The following ZC3H12B variants were observed in gnomAD, a reference collection of about 807,000 sequenced individuals.
ZC3H12B encodes the protein zinc finger CCCH-type containing 12B, also known as probable ribonuclease ZC3H12B.
A neutral mutation model predicts 43.9 loss-of-function variants in ZC3H12B; 7 were observed. The ratio of observed to expected loss-of-function variants is 0.16; its 90% CI spans 0.09 to 0.30. The LOEUF is 0.30. ZC3H12B is among the 10% of genes least tolerant of loss of function. The probability of loss-of-function intolerance (pLI) is 1.00; values close to 1 mark genes in which losing one functional copy is unlikely to be tolerated. For synonymous variants in ZC3H12B, 222 were observed against 241.7 expected (o/e 0.92, Z 0.76); for missense variants, 475 against 670.2 (o/e 0.71, Z 3.22).
chrX:65,426,094 T>C (rs1042183787), intron 3 of ZC3H12B, among the ~76,000 whole-genome samples: 5 of 109,659 alleles, frequency 4.6e-5, no homozygotes, highest in Non-Finnish European at 9.5e-5. Context: ...TATCCTGTTT[T>C]TTTTTTTTCT....
At chrX:65,192,460 C>T in the ZC3H12B span, among the ~76,000 whole-genome samples, 37 of 111,157 alleles carry the variant, frequency 3.3e-4, no homozygotes, top group Non-Finnish European at 5.3e-4. Flanking sequence ...TGCAGTTTTT[C>T]CTCAGTATGA....
chrX:65,180,866 A>G, the ZC3H12B span, among the ~76,000 whole-genome samples: 1 of 111,800 alleles, frequency 8.9e-6, no homozygotes, highest in African/African-American at 3.3e-5. Flanking sequence ...CCATCAAGCT[A>G]CCATTGACTT....
At chrX:65,094,096 G>T in the ZC3H12B span, among the ~76,000 whole-genome samples, 1 of 109,296 alleles carries the variant, frequency 9.1e-6, no homozygotes, top group Non-Finnish European at 1.9e-5. Flanking sequence ...AAAATATGTG[G>T]CACCTCCCCT....
chrX:65,077,614 A>G, the ZC3H12B span, among the ~76,000 whole-genome samples: 1 of 112,280 alleles, frequency 8.9e-6, no homozygotes, highest in Non-Finnish European at 1.9e-5. Context: ...CTCTGTGCAA[A>G]TCAGGTTATT....
At chrX:65,482,982 T>C (rs2068082383) in intron 3 of ZC3H12B, among the ~76,000 whole-genome samples, 1 of 112,176 alleles carries the variant, frequency 8.9e-6, no homozygotes, top group Non-Finnish European at 1.9e-5. Flanking sequence ...AGGACAAGAA[T>C]TGACGTAGTT....
At chrX:65,380,033 G>C (rs1288552160) in intron 2 of ZC3H12B, among the ~76,000 whole-genome samples, 2 of 112,328 alleles carry the variant, frequency 1.8e-5, no homozygotes, top group Non-Finnish European at 3.8e-5. Context: ...AAAACACTCT[G>C]CAGGATATTA....
At chrX:65,275,769 A>G in the ZC3H12B span, among the ~76,000 whole-genome samples, 4 of 112,470 alleles carry the variant, frequency 3.6e-5, no homozygotes, top group African/African-American at 9.7e-5. Flanking sequence ...GAAAATCAAC[A>G]TAGGGATACA....
the ZC3H12B span, among the ~76,000 whole-genome samples, chrX:65,257,438 C>T: frequency 5.4e-5 from 6 of 110,353 alleles, no homozygotes; most frequent in Admixed American, 2.9e-4. Flanking sequence ...GAACATCACA[C>T]TCCAGGGCCT....
At chrX:65,064,334 A>C in the ZC3H12B span, among the ~76,000 whole-genome samples, 4 of 111,946 alleles carry the variant, frequency 3.6e-5, no homozygotes, top group African/African-American at 1.3e-4. Context: ...TGTGTCCCAG[A>C]GATTCTGGTA....
At chrX:65,389,556 A>T (rs2066582000) in intron 2 of ZC3H12B, among the ~76,000 whole-genome samples, 1 of 112,662 alleles carries the variant, frequency 8.9e-6, no homozygotes, top group African/African-American at 3.2e-5. Context: ...TGACTAGGAA[A>T]GGGAATTCCC....
chrX:65,137,920 G>T, the ZC3H12B span, among the ~76,000 whole-genome samples: 2 of 112,064 alleles, frequency 1.8e-5, no homozygotes, highest in Non-Finnish European at 3.8e-5. Flanking sequence ...CCTTCACCTC[G>T]TGGGTTCAAG....
the ZC3H12B span, among the ~76,000 whole-genome samples, chrX:65,178,712 T>C: frequency 8.9e-6 from 1 of 112,384 alleles, no homozygotes. Flanking sequence ...TGCAATGAGA[T>C]ACAATCTCAT....
chrX:65,085,473 T>C, the ZC3H12B span, among the ~76,000 whole-genome samples: 1 of 111,678 alleles, frequency 9.0e-6, no homozygotes, highest in East Asian at 2.8e-4. Flanking sequence ...GTATTTTGTT[T>C]TTATTCTTAA....
chrX:65,172,515 C>A, the ZC3H12B span, among the ~76,000 whole-genome samples: 1 of 112,051 alleles, frequency 8.9e-6, no homozygotes, highest in African/African-American at 3.2e-5. Flanking sequence ...TACCTATGTC[C>A]TGTATGGTAT....
the ZC3H12B span, among the ~76,000 whole-genome samples, chrX:65,341,759 C>A: frequency 9.1e-6 from 1 of 109,389 alleles, no homozygotes; most frequent in Non-Finnish European, 1.9e-5. Context: ...CAAAAGCACA[C>A]TTAAGTACAC....
the ZC3H12B span, among the ~76,000 whole-genome samples, chrX:65,183,996 T>G: frequency 9.0e-6 from 1 of 111,275 alleles, no homozygotes; most frequent in Non-Finnish European, 1.9e-5. Context: ...AAATAGGAAG[T>G]AAATGGACTG....
chrX:65,384,634 A>G (rs890791988), intron 2 of ZC3H12B, among the ~76,000 whole-genome samples: 10 of 111,649 alleles, frequency 9.0e-5, no homozygotes, highest in African/African-American at 3.3e-4. Flanking sequence ...TTCTTTGCTT[A>G]TCATTGAATG....
the ZC3H12B span, among the ~76,000 whole-genome samples, chrX:65,232,032 G>A: frequency 4.6e-5 from 5 of 107,714 alleles, no homozygotes; most frequent in Non-Finnish European, 9.6e-5. Context: ...TCAGGAGATC[G>A]AAACCATCCT....
chrX:65,317,941 G>C, the ZC3H12B span, among the ~76,000 whole-genome samples: 2 of 105,422 alleles, frequency 1.9e-5, no homozygotes, highest in African/African-American at 6.9e-5. Flanking sequence ...ATTTGGGCTG[G>C]TTCCACATTT....
Sources: allele counts gnomAD v4.1 joint callset (sites outside exome capture counted in the v4.1 genomes callset), GRCh38; gene constraint gnomAD v4.1.1; transcripts MANE v1.5; gene names NCBI Gene and HGNC (gene_info 2026-07-23, HGNC 2026-07-21).